SLC38A4: variants seen among roughly 807,000 people sequenced by gnomAD.
SLC38A4 encodes the protein sodium-coupled neutral amino acid transporter 4.
In SLC38A4, 20 loss-of-function variants were observed where a neutral mutation model predicts 63.1. The observed-to-expected ratio is 0.32, with a 90% CI of 0.22 to 0.46. The LOEUF (loss-of-function observed/expected upper bound fraction) is 0.46. Ranked by LOEUF, SLC38A4 falls within the 20% of genes least tolerant of loss-of-function variation. The pLI is 1.00. For synonymous variants in SLC38A4, 230 were observed against 225.5 expected (o/e 1.02, Z -0.18); for missense variants, 526 against 663.6 (o/e 0.79, Z 2.28).
intron 3 of SLC38A4, among the ~76,000 whole-genome samples, chr12:46,789,725 T>C (rs955821840): frequency 2.6e-5 from 4 of 152,188 alleles, no homozygotes; most frequent in African/African-American, 4.8e-5. Flanking sequence ...TTTTAGGACA[T>C]TTCCTACATG....
At chr12:46,783,276 AAGAT>A (rs1371607665) in intron 7 of SLC38A4, among the ~76,000 whole-genome samples, 5 of 130,190 alleles carry the variant, frequency 3.8e-5, no homozygotes, top group South Asian at 2.7e-4. Context: ...TAGATAGATA[AAGAT>A]AGATAGATAT....
At chr12:46,819,534 T>C (rs1267766337) in intron 1 of SLC38A4, among the ~76,000 whole-genome samples, 1 of 151,930 alleles carries the variant, frequency 6.6e-6, no homozygotes, top group Non-Finnish European at 1.5e-5. Context: ...TAGTTATTCT[T>C]AAAGAGTTCT....
intron 3 of SLC38A4, among the ~76,000 whole-genome samples, chr12:46,789,325 C>G (rs2120818716): frequency 6.6e-6 from 1 of 152,036 alleles, no homozygotes; most frequent in South Asian, 2.1e-4. Flanking sequence ...TAATTACTCT[C>G]AAAATGTACA....
At chr12:46,773,707 G>C (rs1938466768) in intron 14 of SLC38A4, among the ~76,000 whole-genome samples, 1 of 152,008 alleles carries the variant, frequency 6.6e-6, no homozygotes, top group South Asian at 2.1e-4. Flanking sequence ...TCAGTGTTGG[G>C]CTATGAGCTG....
Position 46,778,355 on chromosome 12 carries a change from A to G in SLC38A4, c.1007T>C (p.Ile336Thr). The G allele has an allele frequency of 6.2e-7, 1 of 1,612,754 alleles. No homozygotes were observed. Among genetic ancestry groups the G allele is most frequent in the Non-Finnish European group, 8.5e-7 (1 of 1,179,164 alleles). The change falls in exon 12 of 17, where the codon ATT (isoleucine) becomes ACT (threonine). Residue 336 changes from isoleucine to threonine, a missense_variant. Coordinates refer to ENST00000266579, the MANE Select transcript of SLC38A4 (RefSeq NM_018018.5). ...TACAAAAGCAAATACTAGGATAGGAATTGCATAGGCCGTCTGAAAAACAAA... is the reference window on the plus strand; with the variant it reads ...TACAAAAGCAAATACTAGGATAGGAGTTGCATAGGCCGTCTGAAAAACAAA... ...FVFNSRTAYA[I>T]PILVFAFVCH...
intron 16 of SLC38A4, 63 bp downstream of exon 16, chr12:46,768,247 C>T: frequency 8.4e-7 from 1 of 1,188,862 alleles, no homozygotes. Flanking sequence ...TGTGTATTTT[C>T]TAGTTTATTC....
At chr12:46,778,144 G>C in intron 12 of SLC38A4, 145 bp downstream of exon 12, 1 of 716,240 alleles carries the variant, frequency 1.4e-6, no homozygotes, top group South Asian at 1.8e-5. Flanking sequence ...CCACCTTTCT[G>C]ATTAAAGCAT....
In SLC38A4 at chr12:46,778,594, G is replaced by T. The variant is rs747423739; in HGVS notation, c.900C>A (p.Asn300Lys). Residue 300 changes from asparagine (N) to lysine (K), a missense_variant, in exon 11 of 17, where the codon AAC (asparagine) becomes AAA (lysine). Transcript: ENST00000266579. ...TGTCATGAAGAGAGCCCTTGGCCTG[G>T]TTCTCATCCAGCCCTGCAGGATTGC... ...THRNPAGLDE[N>K]QAKGSLHDSG... 6.2e-7 allele frequency: 1 copy of T among 1,613,024 alleles called. No homozygotes were observed. Among genetic ancestry groups the T allele is most frequent in the Non-Finnish European group, 8.5e-7 (1 of 1,179,394 alleles).
At chr12:46,785,018 A>G in intron 6 of SLC38A4, 86 bp downstream of exon 6, 1 of 1,095,096 alleles carries the variant, frequency 9.1e-7, no homozygotes, top group Non-Finnish European at 1.4e-6. Flanking sequence ...ACTGACTATA[A>G]TCATCCTAAG....
intron 5 of SLC38A4, among the ~76,000 whole-genome samples, chr12:46,786,249 CA>C (rs1208898447): frequency 6.6e-6 from 1 of 152,070 alleles, no homozygotes; most frequent in East Asian, 1.9e-4. Context: ...GTATTCTAAA[CA>C]TGTACTTTCT....
At position 46,769,297 on chromosome 12, in the gene SLC38A4, G is replaced by A. The variant is rs573728001; in HGVS notation, c.1431C>T (p.Ile477=). 1 of 1,613,114 alleles carries A rather than the reference G, an allele frequency of 6.2e-7. No homozygotes were observed. Among genetic ancestry groups the A allele is most frequent in the Admixed American group, 1.7e-5 (1 of 59,894 alleles). Residue 477 remains isoleucine, a synonymous_variant, in exon 15 of 17, where the codon ATC becomes ATT. Transcript: ENST00000266579. ...LVILVPTIKY[I]FGFIGASSAT... ...TCTGAAACTCACCTATGAATCCGAA[G>A]ATGTATTTTATAGTTGGCACAAGGA...
At chr12:46,775,249 G>A in intron 13 of SLC38A4, 76 bp from the exon 14 acceptor site, 5 of 1,539,680 alleles carry the variant, frequency 3.2e-6, no homozygotes, top group Non-Finnish European at 3.5e-6. Context: ...ACATTTTATA[G>A]AGAGAACACA....
chr12:46,807,203 T>A (rs1939251351), intron 1 of SLC38A4, among the ~76,000 whole-genome samples: 1 of 152,062 alleles, frequency 6.6e-6, no homozygotes, highest in South Asian at 2.1e-4. Flanking sequence ...TTTTTAATAC[T>A]TTTGTAATGC....
intron 14 of SLC38A4, among the ~76,000 whole-genome samples, chr12:46,770,387 G>C (rs1001807195): frequency 6.6e-6 from 1 of 151,896 alleles, no homozygotes; most frequent in African/African-American, 2.4e-5. Flanking sequence ...TCAATAGATT[G>C]TAAATCTATG....
At chr12:46,822,742 G>A (rs149693074) in intron 1 of SLC38A4, among the ~76,000 whole-genome samples, 1,586 of 152,290 alleles carry the variant, frequency 0.01, 14 homozygotes, top group South Asian at 0.026. Flanking sequence ...TTTGACCTTG[G>A]AAACAACAAA....
chr12:46,778,730 T>A lies in SLC38A4; in HGVS notation c.764A>T (p.Asp255Val). ...FQIPCPLPVL[D>V]HSVGNLSFNN... ...GAATGACAGATTTCCAACACTGTGA[T>A]CCAAAACAGGTAGAGGGCAGGGTAT... Residue 255 changes from aspartate (D) to valine (V), a missense_variant, in exon 11 of 17, where the codon GAT becomes GTT. By Grantham distance (152) the Asp-to-Val change is radical. Transcript: ENST00000266579. 2 of 1,612,620 alleles carry A rather than the reference T, an allele frequency of 1.2e-6. No homozygotes were observed. Among genetic ancestry groups the A allele is most frequent in the Non-Finnish European group, 1.7e-6 (2 of 1,179,216 alleles).
intron 2 of SLC38A4, among the ~76,000 whole-genome samples, chr12:46,797,779 A>T (rs951562102): frequency 1.3e-4 from 20 of 152,236 alleles, no homozygotes; most frequent in Middle Eastern, 3.4e-3. Context: ...CCAGGGGCCT[A>T]AATGTCATCT....
Position 46,768,004 on chromosome 12 carries a change from C to T in SLC38A4, c.1542+306G>A, listed in dbSNP as rs1031928083. On this transcript the variant is annotated intron_variant, in intron 16 of 16. Transcript: ENST00000266579. Reference sequence around the variant, plus strand: ...CCTAATTCCTTCTTGCATGATTTTCCACGGATAGCACAACAGCAGCTTGGT... The same window carrying T: ...CCTAATTCCTTCTTGCATGATTTTCTACGGATAGCACAACAGCAGCTTGGT... 2.0e-5 allele frequency among the ~76,000 whole-genome samples: 3 copies of T among 152,024 alleles called. No individual in the cohort carries two copies. In the East Asian group the frequency reaches 5.8e-4, roughly 29 times the overall value.
At chr12:46,803,567 T>C (rs1031115845) in intron 2 of SLC38A4, 36 bp downstream of exon 2, 1 of 152,114 alleles carries the variant, frequency 6.6e-6, no homozygotes, top group African/African-American at 2.4e-5. Context: ...AAGCATTATT[T>C]TAACACTGCA....
Sources: allele counts gnomAD v4.1 joint callset (sites outside exome capture counted in the v4.1 genomes callset), GRCh38; gene constraint gnomAD v4.1.1; transcripts MANE v1.5; gene names NCBI Gene and HGNC (gene_info 2026-07-23, HGNC 2026-07-21).